The following C4orf36 variants were observed in gnomAD, a reference collection of about 807,000 sequenced individuals.
C4orf36 encodes the protein chromosome 4 open reading frame 36, also known as uncharacterized protein C4orf36.
A neutral mutation model predicts 12.2 loss-of-function variants in C4orf36; 11 were observed. The ratio of observed to expected loss-of-function variants is 0.90; its 90% CI spans 0.57 to 1.49. C4orf36 has a LOEUF of 1.49. C4orf36 is among the 40% of genes most tolerant of loss of function. C4orf36 has a pLI of 0.00. For missense variants in C4orf36, 137 were observed against 133.9 expected (o/e 1.02, Z -0.11); for synonymous variants, 54 against 51.3 (o/e 1.05, Z -0.22).
the C4orf36 span, among the ~76,000 whole-genome samples, chr4:86,901,823 A>G: frequency 6.6e-6 from 1 of 152,116 alleles, no homozygotes; most frequent in Non-Finnish European, 1.5e-5. Context: ...CCCACCTGCT[A>G]TGGGTTGAAT....
intron 4 of C4orf36, among the ~76,000 whole-genome samples, chr4:86,879,855 T>C (rs975707636): frequency 7.4e-5 from 11 of 149,448 alleles, no homozygotes; most frequent in African/African-American, 2.7e-4. Context: ...TTGTTTCTTT[T>C]TTTTTTTTTT....
chr4:86,927,660 C>T, the C4orf36 span, among the ~76,000 whole-genome samples: 14 of 152,052 alleles, frequency 9.2e-5, no homozygotes, highest in African/African-American at 7.2e-5. Flanking sequence ...ATTAGCCAGG[C>T]GTGGTGGTGG....
the C4orf36 span, among the ~76,000 whole-genome samples, chr4:86,933,819 C>G: frequency 2.6e-5 from 4 of 152,224 alleles, no homozygotes; most frequent in African/African-American, 9.6e-5. Context: ...GATACACCAC[C>G]AGGTTTCATC....
the C4orf36 span, among the ~76,000 whole-genome samples, chr4:86,920,823 G>A: frequency 2.0e-5 from 3 of 152,070 alleles, no homozygotes; most frequent in Admixed American, 2.0e-4. Context: ...TAGTACTGTT[G>A]TATTGGGGAT....
rs1747459340 is a variant in C4orf36, at chr4:86,892,375, G to A, written c.-266C>T. 1.0e-6 allele frequency: 1 copy of A among 985,334 alleles called. No individual in the cohort carries two copies. The highest frequency in any genetic ancestry group is 1.7e-5 in the African/African-American group (1 of 57,246). 61.0% of individuals were successfully genotyped at this position (985,334 alleles called of 1,614,324 possible). On this transcript the variant is annotated 5_prime_UTR_variant, in exon 1 of 5. Coordinates refer to ENST00000295898, the MANE Select transcript of C4orf36 (RefSeq NM_144645.4). ...ATGGCCGCGCACACGCCTCGGGGCC[G>A]CGCCGCAGGCACACGCCTCCTTCCC...
chr4:86,934,663 G>A, the C4orf36 span: 1 of 152,184 alleles, frequency 6.6e-6, no homozygotes, highest in African/African-American at 2.4e-5. Context: ...AATATTATAG[G>A]AGGTTGCAAA....
chr4:86,892,396 T>C lies in C4orf36; in HGVS notation c.-287A>G, dbSNP rs978532128. On this transcript the variant is annotated 5_prime_UTR_variant, in exon 1 of 5. Transcript: ENST00000295898. ...GGCCGCGCCGCAGGCACACGCCTCC[T>C]TCCCGCTCGCCGCGGGCGCCGAGTC... The C allele has an allele frequency of 1.0e-6, 1 of 985,532 alleles. No individual in the cohort carries two copies. Among genetic ancestry groups the C allele is most frequent in the Admixed American group, 6.1e-5 (1 of 16,286 alleles). The allele number at this position is 985,532 out of a possible 1,614,324, so 61.0% of individuals were successfully genotyped here.
chr4:86,904,674 G>C, the C4orf36 span, among the ~76,000 whole-genome samples: 2 of 149,862 alleles, frequency 1.3e-5, no homozygotes, highest in Non-Finnish European at 3.0e-5. Flanking sequence ...CAGGAGAATT[G>C]ATTGAGCCCC....
At chr4:86,927,008 A>G in the C4orf36 span, among the ~76,000 whole-genome samples, 2 of 152,206 alleles carry the variant, frequency 1.3e-5, no homozygotes, top group Non-Finnish European at 2.9e-5. Context: ...TTTGTGCTAT[A>G]ATAGCAGAGT....
the C4orf36 span, among the ~76,000 whole-genome samples, chr4:86,912,289 G>A: frequency 2.6e-5 from 4 of 152,156 alleles, no homozygotes; most frequent in African/African-American, 4.8e-5. Flanking sequence ...CCAAAGTGTC[G>A]GAATTACAGT....
At chr4:86,916,317 A>G in the C4orf36 span, among the ~76,000 whole-genome samples, 14 of 150,064 alleles carry the variant, frequency 9.3e-5, no homozygotes, top group Admixed American at 6.0e-4. Context: ...TTCACAGCAG[A>G]GGATGCTCTG....
chr4:86,892,608 T>G (rs1217896972), upstream of C4orf36, among the ~76,000 whole-genome samples: 1 of 152,204 alleles, frequency 6.6e-6, no homozygotes, highest in Non-Finnish European at 1.5e-5. Context: ...GCCAGACCTT[T>G]CCTGGGAAGG....
chr4:86,934,908 G>T, the C4orf36 span: 2 of 152,136 alleles, frequency 1.3e-5, no homozygotes, highest in African/African-American at 4.8e-5. Context: ...GCGGGCCGGG[G>T]CGGAACCCGG....
At chr4:86,910,597 G>A in the C4orf36 span, among the ~76,000 whole-genome samples, 26 of 152,110 alleles carry the variant, frequency 1.7e-4, no homozygotes, top group Admixed American at 3.9e-4. Context: ...TTTGTTAGGA[G>A]GTCATCGAAT....
chr4:86,913,393 G>A, the C4orf36 span: 3 of 768,012 alleles, frequency 3.9e-6, no homozygotes, highest in Non-Finnish European at 6.9e-6. Flanking sequence ...GATGCTATTC[G>A]GGTGCAGCAT....
the C4orf36 span, among the ~76,000 whole-genome samples, chr4:86,931,888 G>A: frequency 2.6e-5 from 4 of 151,560 alleles, no homozygotes; most frequent in Non-Finnish European, 5.9e-5. Context: ...ACAAAAAATT[G>A]GCCGGGCGTG....
At chr4:86,890,946 C>T (rs1412770232) in intron 2 of C4orf36, among the ~76,000 whole-genome samples, 2 of 152,176 alleles carry the variant, frequency 1.3e-5, no homozygotes, top group African/African-American at 2.4e-5. Flanking sequence ...AGGCTTGGAG[C>T]CCACGTCTTC....
chr4:86,909,893 T>TAAAAAA, the C4orf36 span, among the ~76,000 whole-genome samples: 435 of 73,112 alleles, frequency 5.9e-3, 6 homozygotes, highest in East Asian at 0.013. Context: ...GAGGAAGACT[T>TAAAAAA]AAAAAAAAAA....
At chr4:86,889,930 C>T (rs973963553) in intron 2 of C4orf36, 1 of 386,904 alleles carries the variant, frequency 2.6e-6, no homozygotes, top group African/African-American at 2.1e-5. Flanking sequence ...CATGGTGGCT[C>T]ATGCCTGTAA....
Sources: gnomAD v4.1 joint callset for allele counts (sites outside exome capture counted in the v4.1 genomes callset) on GRCh38, gnomAD v4.1.1 for gene constraint, MANE v1.5 for transcripts, NCBI Gene and HGNC (gene_info 2026-07-23, HGNC 2026-07-21) for gene names.